Variants in ACVRL1 observed in about 807,000 individuals in gnomAD.
The protein encoded by ACVRL1 is activin A receptor like type 1.
In ACVRL1, 20 loss-of-function variants were observed where a neutral mutation model predicts 51.9. The observed-to-expected ratio is 0.39, with a 90% CI of 0.27 to 0.56. The LOEUF is 0.56. Among genes scored for constraint, ACVRL1 ranks in the 20% least tolerant of loss-of-function variants. The probability of loss-of-function intolerance (pLI) is 0.67; values close to 1 mark genes in which losing one functional copy is unlikely to be tolerated. For missense variants in ACVRL1, 451 were observed against 670.3 expected (o/e 0.67, Z 3.61); for synonymous variants, 288 against 280.9 (o/e 1.03, Z -0.25).
At position 51,917,385 on chromosome 12, in the gene ACVRL1, C is replaced by T. The variant is rs979896654; in HGVS notation, c.1246+1152C>T. Among the ~76,000 whole-genome samples the T allele has an allele frequency of 6.6e-5, 10 of 152,214 alleles. No individual in the cohort carries two copies. The highest frequency in any genetic ancestry group is 1.2e-4 in the Non-Finnish European group (8 of 68,034). On this transcript the variant is annotated intron_variant, in intron 8 of 9. Transcript: ENST00000388922. The surrounding 1 kb of genome is among the most constrained non-coding windows in gnomAD (Gnocchi z 4.2). ...GGACTGCGACAGGTAGAGAGACCTG[C>T]CCTGGGCAGGCAGCCCTGAGGTCGA...
chr12:51,913,057 G>A, intron 2 of ACVRL1, 42 bp from the exon 3 acceptor site: 1 of 1,589,354 alleles, frequency 6.3e-7, no homozygotes, highest in Non-Finnish European at 8.5e-7. Context: ...CAGCCTGGGG[G>A]AGCTGGGACC....
Position 51,920,937 on chromosome 12 carries a change from G to C in ACVRL1, c.*44G>C. 8.7e-7 allele frequency: 1 copy of C among 1,150,628 alleles called. No individual in the cohort carries two copies. The highest frequency in any genetic ancestry group is 1.3e-6 in the Non-Finnish European group (1 of 790,042). 71.3% of individuals were successfully genotyped at this position (1,150,628 alleles called of 1,614,324 possible). A position where few individuals can be genotyped will look rare whatever the true frequency, so the allele number is the denominator to read the frequency against. ...CTTTCTGCCTGCAGGGGGCTGGGGGGGTGGGGGGCAGTGGATGGTGCCCTA... is the reference window on the plus strand; with the variant it reads ...CTTTCTGCCTGCAGGGGGCTGGGGGCGTGGGGGGCAGTGGATGGTGCCCTA... On this transcript the variant is annotated 3_prime_UTR_variant, in exon 10 of 10. Transcript: ENST00000388922.
chr12:51,920,612 T>C, intron 9 of ACVRL1, 147 bp from the exon 10 acceptor site: 1 of 855,414 alleles, frequency 1.2e-6, no homozygotes, highest in Admixed American at 2.0e-5. Context: ...TCTCTCCTGC[T>C]TATGTCTCCC....
At position 51,914,070 on chromosome 12, in the gene ACVRL1, G is replaced by T; in HGVS notation, c.622G>T (p.Val208Leu). The T allele has an allele frequency of 6.2e-7, 1 of 1,613,464 alleles. No individual in the cohort carries two copies. The highest frequency in any genetic ancestry group is 1.1e-5 in the South Asian group (1 of 90,886). Residue 208 changes from valine to leucine, a missense_variant, in exon 5 of 10, where the codon GTG becomes TTG. By Grantham distance (32) the Val-to-Leu change is conservative (BLOSUM62 1). Around this residue, in one of 2 missense-constraint regions of ACVRL1, gnomAD observed 259 missense variants for 453.4 expected, o/e 0.57. Transcript: ENST00000388922. ...VARQVALVEC[V>L]GKGRYGEVWR... ...ACGGCAGGTTGCCTTGGTGGAGTGT[G>T]TGGGTGAGCAGTGGGTGAGCCCGGT...
In ACVRL1 at chr12:51,914,126, G is replaced by A; in HGVS notation, c.625+53G>A. 2 of 1,572,012 alleles carry A rather than the reference G, an allele frequency of 1.3e-6. 1 individual carries two copies. The highest frequency in any genetic ancestry group is 1.7e-6 in the Non-Finnish European group (2 of 1,152,692). On this transcript the variant is annotated intron_variant, in intron 5 of 9. Coordinates refer to ENST00000388922, the MANE Select transcript of ACVRL1 (RefSeq NM_000020.3). ...AGGACCAAGGGCTCTCATGAGCCTG[G>A]AGGGGTGAGGGAGTTTTTGGCTACT...
At chr12:51,915,879 G>A (rs1316876799) in intron 7 of ACVRL1, 157 bp from the exon 8 acceptor site, 3 of 781,402 alleles carry the variant, frequency 3.8e-6, no homozygotes, top group South Asian at 3.6e-5. Context: ...CTGGGGCCAT[G>A]GTTCTCTCTG....
intron 1 of ACVRL1, among the ~76,000 whole-genome samples, chr12:51,910,004 C>T (rs1377402152): frequency 6.6e-6 from 1 of 152,198 alleles, no homozygotes. Context: ...TCTGTCTGTG[C>T]TACAGTCAGA....
rs1201756987 is a variant in ACVRL1, at chr12:51,923,326, A to T, written c.*2433A>T. The T allele has an allele frequency of 6.6e-6, 1 of 152,280 alleles. No individual in the cohort carries two copies. Among genetic ancestry groups the T allele is most frequent in the Non-Finnish European group, 1.5e-5 (1 of 68,086 alleles). The allele number at this position is 152,280 out of a possible 1,614,324, so 9.4% of individuals were successfully genotyped here. On this transcript the variant is annotated 3_prime_UTR_variant, in exon 10 of 10. Transcript: ENST00000388922. ...GGAGCACTGGGCTCATGCCTGGCAC[A>T]CAATAGGTCTGCAATAAACCATGGT...
chr12:51,916,506 T>C (rs1000645855), intron 8 of ACVRL1, among the ~76,000 whole-genome samples: 4 of 152,270 alleles, frequency 2.6e-5, no homozygotes, highest in Non-Finnish European at 5.9e-5. Context: ...AGCTTAAATA[T>C]GTGCCAGATG....
At chr12:51,920,326 C>T (rs1940942726) in intron 9 of ACVRL1, among the ~76,000 whole-genome samples, 2 of 152,176 alleles carry the variant, frequency 1.3e-5, no homozygotes, top group South Asian at 4.1e-4. Context: ...TGTGGGAGCC[C>T]CCAGGCTTGA....
Position 51,920,976 on chromosome 12 carries a change from AGT to A in ACVRL1, c.*87_*88del. ...GATGGTGCCCTATCTGGGTAGAGGT[AGT>A]GTGAGTGTGGTGTGTGCTGGGGATG... On this transcript the variant is annotated 3_prime_UTR_variant, in exon 10 of 10. Transcript: ENST00000388922. The A allele has an allele frequency of 6.9e-7, 1 of 1,459,542 alleles. No homozygotes were observed. Among genetic ancestry groups the A allele is most frequent in the Non-Finnish European group, 9.3e-7 (1 of 1,075,508 alleles). 90.4% of individuals were successfully genotyped at this position (1,459,542 alleles called of 1,614,324 possible).
intron 1 of ACVRL1, among the ~76,000 whole-genome samples, chr12:51,911,042 A>G (rs1940679241): frequency 6.6e-6 from 1 of 152,220 alleles, no homozygotes. Flanking sequence ...CTCTGTGGCC[A>G]TGTGCCCAGC....
chr12:51,919,272 C>T, intron 9 of ACVRL1, 157 bp downstream of exon 9: 2 of 1,136,996 alleles, frequency 1.8e-6, no homozygotes, highest in Non-Finnish European at 2.5e-6. Context: ...TCAACCCTGG[C>T]CCATGCTCCC....
chr12:51,920,680 A>G (rs1008454512), intron 9 of ACVRL1, 79 bp from the exon 10 acceptor site: 3 of 1,530,946 alleles, frequency 2.0e-6, no homozygotes, highest in Non-Finnish European at 2.7e-6. Context: ...CTCCCTCTGC[A>G]TCTCTCTCCC....
chr12:51,914,012 A>T lies in ACVRL1; in HGVS notation c.564A>T (p.Ser188=). The T allele has an allele frequency of 3.1e-6, 5 of 1,613,864 alleles. No homozygotes were observed. Among genetic ancestry groups the T allele is most frequent in the Non-Finnish European group, 4.2e-6 (5 of 1,179,864 alleles). ...LDSDCTTGSG[S]GLPFLVQRTV... is the part of the protein sequence containing the mutation. ...GTGACTGCACCACAGGGAGTGGCTCAGGGCTCCCCTTCCTGGTGCAGAGGA... is the reference window on the plus strand; with the variant it reads ...GTGACTGCACCACAGGGAGTGGCTCTGGGCTCCCCTTCCTGGTGCAGAGGA... The change falls in exon 5 of 10, where the codon TCA becomes TCT. Residue 188 remains serine (S), a synonymous_variant. Coordinates refer to ENST00000388922, the MANE Select transcript of ACVRL1 (RefSeq NM_000020.3).
In ACVRL1 at chr12:51,907,886, G is replaced by C. The variant is rs1043452221; in HGVS notation, c.-6+191G>C. ...CATGACCCTACCTGAGACTTGGAGGGGAATGGACGAGACTGGACTGGAAAT... is the reference window on the plus strand; with the variant it reads ...CATGACCCTACCTGAGACTTGGAGGCGAATGGACGAGACTGGACTGGAAAT... On this transcript the variant is annotated intron_variant, in intron 1 of 9. Transcript: ENST00000388922. The surrounding 1 kb of genome is among the most constrained non-coding windows in gnomAD (Gnocchi z 4.5). Among the ~76,000 whole-genome samples, 3 of 152,220 alleles carry C rather than the reference G, an allele frequency of 2.0e-5. No homozygotes were observed. The South Asian group carries it at 6.2e-4, about 31-fold the overall frequency.
At position 51,913,127 on chromosome 12, in the gene ACVRL1, G is replaced by T. The variant is rs373401329; in HGVS notation, c.90G>T (p.Pro30=). ...QGDPVKPSRG[P]LVTCTCESPH... ...ACCCTGTGAAGCCGTCTCGGGGCCC[G>T]CTGGTGACCTGCACGTGTGAGAGCC... is the stretch of plus-strand genomic sequence containing the variant. The change falls in exon 3 of 10, where the codon CCG becomes CCT. Residue 30 remains proline, a synonymous_variant. Transcript: ENST00000388922. 1 of 1,606,032 alleles carries T rather than the reference G, an allele frequency of 6.2e-7. No homozygotes were observed. Among genetic ancestry groups the T allele is most frequent in the Non-Finnish European group, 8.5e-7 (1 of 1,179,014 alleles).
intron 8 of ACVRL1, among the ~76,000 whole-genome samples, chr12:51,918,733 T>G (rs908532684): frequency 2.0e-5 from 3 of 152,244 alleles, no homozygotes; most frequent in Non-Finnish European, 2.9e-5. Flanking sequence ...AGGGCTGTTG[T>G]GAGGACAAAC....
chr12:51,918,035 A>G (rs1355954080), intron 8 of ACVRL1, among the ~76,000 whole-genome samples: 1 of 152,246 alleles, frequency 6.6e-6, no homozygotes, highest in Non-Finnish European at 1.5e-5. Context: ...CAGCTGGCGA[A>G]GGCTCTATCG....
Sources: allele counts gnomAD v4.1 joint callset (sites outside exome capture counted in the v4.1 genomes callset), GRCh38; gene constraint gnomAD v4.1.1; regional missense constraint gnomAD v4.1.1; non-coding constraint Gnocchi (gnomAD v3.1); transcripts MANE v1.5; gene names NCBI Gene and HGNC (gene_info 2026-07-23, HGNC 2026-07-21).